The following ADCY2 variants were observed in gnomAD, a reference collection of about 807,000 sequenced individuals.
ADCY2 encodes the protein adenylate cyclase 2, also known as adenylate cyclase type 2.
Under a neutral mutation model 125.2 loss-of-function variants are expected in ADCY2, and 31 were observed. The observed-to-expected ratio is 0.25, with a 90% CI of 0.19 to 0.33. ADCY2 has a LOEUF of 0.33. Among genes scored for constraint, ADCY2 ranks in the 10% least tolerant of loss-of-function variants. The probability of loss-of-function intolerance (pLI) is 1.00; values close to 1 mark genes in which losing one functional copy is unlikely to be tolerated. For missense variants in ADCY2, 904 were observed against 1,418.2 expected (o/e 0.64, Z 5.82); for synonymous variants, 512 against 548.4 (o/e 0.93, Z 0.93).
At chr5:7,688,199 C>T (rs1282622118) in intron 4 of ADCY2, among the ~76,000 whole-genome samples, 2 of 152,070 alleles carry the variant, frequency 1.3e-5, no homozygotes, top group Non-Finnish European at 2.9e-5. Flanking sequence ...AGCCACATGC[C>T]TCCCTTCTCC....
intron 4 of ADCY2, among the ~76,000 whole-genome samples, chr5:7,630,211 G>A (rs1370164299): frequency 6.6e-6 from 1 of 152,112 alleles, no homozygotes. Flanking sequence ...TTTCCTCTCT[G>A]CAGAATTTAG....
chr5:7,639,232 A>G (rs549700286), intron 4 of ADCY2, among the ~76,000 whole-genome samples: 2 of 152,328 alleles, frequency 1.3e-5, no homozygotes, highest in South Asian at 2.1e-4. Flanking sequence ...AAGTGAGAAC[A>G]TATACTCTCC....
chr5:7,732,367 C>A (rs1742128928), intron 14 of ADCY2, among the ~76,000 whole-genome samples: 1 of 152,184 alleles, frequency 6.6e-6, no homozygotes, highest in South Asian at 2.1e-4. Flanking sequence ...TGACTTTATT[C>A]AAGAGTTCAG....
At chr5:7,591,856 T>A (rs1393097480) in intron 3 of ADCY2, among the ~76,000 whole-genome samples, 1 of 152,226 alleles carries the variant, frequency 6.6e-6, no homozygotes, top group East Asian at 1.9e-4. Flanking sequence ...TTTTCCTGGC[T>A]GCTGGTGAGA....
chr5:7,814,450 A>T lies in ADCY2; in HGVS notation c.2884-2416A>T, dbSNP rs561553250. Among the ~76,000 whole-genome samples, 33 of 152,160 alleles carry T rather than the reference A, an allele frequency of 2.2e-4. No homozygotes were observed. The South Asian group carries it at 5.4e-3, about 25-fold the overall frequency. On this transcript the variant is annotated intron_variant, in intron 22 of 24. Transcript: ENST00000338316. ...TAGGCAGAGGCCAGGGATGGTGTTAAACACGCTGTGATGTGCAGGACAGCC... is the reference window on the plus strand; with the variant it reads ...TAGGCAGAGGCCAGGGATGGTGTTATACACGCTGTGATGTGCAGGACAGCC...
intron 4 of ADCY2, among the ~76,000 whole-genome samples, chr5:7,659,240 T>C (rs1356468288): frequency 6.6e-6 from 1 of 152,264 alleles, no homozygotes; most frequent in Non-Finnish European, 1.5e-5. Context: ...TTCACTCTAT[T>C]CAATCCAGTT....
Position 7,536,296 on chromosome 5 carries a change from C to T in ADCY2, c.570+15397C>T, listed in dbSNP as rs111550060. Among the ~76,000 whole-genome samples the T allele has an allele frequency of 4.0e-4, 61 of 152,336 alleles. 1 individual carries two copies. Among genetic ancestry groups the T allele is most frequent in the Middle Eastern group, 3.4e-3 (1 of 294 alleles). On this transcript the variant is annotated intron_variant, in intron 3 of 24. Transcript: ENST00000338316. ...GCCCCCAGTGGAACACATTTCCACCCTCAGACCAATCGTGTAGGGCAGATT... is the reference window on the plus strand; with the variant it reads ...GCCCCCAGTGGAACACATTTCCACCTTCAGACCAATCGTGTAGGGCAGATT...
Position 7,829,591 on chromosome 5 carries a change from T to TTAAG in ADCY2, c.*2722_*2725dup, listed in dbSNP as rs1745583814. On this transcript the variant is annotated 3_prime_UTR_variant, in exon 25 of 25. Coordinates refer to ENST00000338316, the MANE Select transcript of ADCY2 (RefSeq NM_020546.3). ...CTCTCCCCAATGCTCTCCTTAACCTTTAAGTCTTACAGGAAGCCTCTCATA... is the reference window on the plus strand; with the variant it reads ...CTCTCCCCAATGCTCTCCTTAACCTTTAAGTAAGTCTTACAGGAAGCCTCTCATA... 1.3e-5 allele frequency: 2 copies of TTAAG among 152,530 alleles called. No individual in the cohort carries two copies. The highest frequency in any genetic ancestry group is 6.5e-5 in the Admixed American group (1 of 15,296). The allele number at this position is 152,530 out of a possible 1,614,324, so 9.4% of individuals were successfully genotyped here.
chr5:7,742,720 G>A (rs1468447565), intron 14 of ADCY2, among the ~76,000 whole-genome samples: 2 of 152,182 alleles, frequency 1.3e-5, no homozygotes, highest in Admixed American at 6.5e-5. Flanking sequence ...CCTGCAGGAG[G>A]ATGTCAGCTT....
chr5:7,768,613 A>T (rs1052183703), intron 17 of ADCY2, among the ~76,000 whole-genome samples: 1 of 152,202 alleles, frequency 6.6e-6, no homozygotes, highest in Non-Finnish European at 1.5e-5. Flanking sequence ...TGGCATCACT[A>T]AAAGAATAAG....
intron 2 of ADCY2, among the ~76,000 whole-genome samples, chr5:7,460,721 T>C (rs1741887346): frequency 6.6e-6 from 1 of 152,140 alleles, no homozygotes; most frequent in Non-Finnish European, 1.5e-5. Flanking sequence ...TGGAATTGTG[T>C]CCACGAGTAT....
At chr5:7,560,376 T>C (rs10075106) in intron 3 of ADCY2, among the ~76,000 whole-genome samples, 4,833 of 152,232 alleles carry the variant, frequency 0.032, 263 homozygotes, top group African/African-American at 0.11. Flanking sequence ...TGCTATATTA[T>C]TTTTTCTGTA....
intron 12 of ADCY2, among the ~76,000 whole-genome samples, chr5:7,723,696 G>A (rs1018290086): frequency 1.3e-5 from 2 of 151,986 alleles, no homozygotes; most frequent in Non-Finnish European, 2.9e-5. Flanking sequence ...ACTGAGGCGC[G>A]TGGACCACGA....
chr5:7,739,707 C>A (rs924454137), intron 14 of ADCY2, among the ~76,000 whole-genome samples: 1 of 151,660 alleles, frequency 6.6e-6, no homozygotes, highest in African/African-American at 2.4e-5. Context: ...TCACAAAGCA[C>A]CCAAACTAAC....
intron 3 of ADCY2, among the ~76,000 whole-genome samples, chr5:7,526,114 G>A (rs1734450675): frequency 6.6e-6 from 1 of 152,178 alleles, no homozygotes; most frequent in South Asian, 2.1e-4. Context: ...CCGTGCCTAG[G>A]TGTCCCCTCC....
chr5:7,462,114 T>C (rs1303447303), intron 2 of ADCY2, among the ~76,000 whole-genome samples: 1 of 152,218 alleles, frequency 6.6e-6, no homozygotes, highest in Admixed American at 6.5e-5. Context: ...CCTTCTCCTT[T>C]AAATAGAGCA....
chr5:7,717,095 A>T, intron 11 of ADCY2, 62 bp from the exon 12 acceptor site: 1 of 1,082,126 alleles, frequency 9.2e-7, no homozygotes. Context: ...TCTCTAAAAA[A>T]TTGGCTTAAT....
intron 4 of ADCY2, among the ~76,000 whole-genome samples, chr5:7,663,928 G>A (rs545387079): frequency 9.8e-5 from 15 of 152,318 alleles, no homozygotes; most frequent in African/African-American, 2.6e-4. Context: ...GGTATCTGAA[G>A]CAACTGAAGA....
chr5:7,640,223 G>GA (rs1014776938), intron 4 of ADCY2, among the ~76,000 whole-genome samples: 14 of 152,050 alleles, frequency 9.2e-5, no homozygotes, highest in South Asian at 8.3e-4. Flanking sequence ...ACGAGTCAAG[G>GA]AAAAAAATGT....
Sources: gnomAD v4.1 joint callset for allele counts (sites outside exome capture counted in the v4.1 genomes callset) on GRCh38, gnomAD v4.1.1 for gene constraint, MANE v1.5 for transcripts, NCBI Gene and HGNC (gene_info 2026-07-23, HGNC 2026-07-21) for gene names.